Variants in PRIM2 observed in about 807,000 individuals in gnomAD.
The protein encoded by PRIM2 is DNA primase subunit 2.
In PRIM2, 39 loss-of-function variants were observed where a neutral mutation model predicts 67.3. The ratio of observed to expected loss-of-function variants is 0.58; its 90% CI spans 0.45 to 0.76. The LOEUF (loss-of-function observed/expected upper bound fraction) is 0.76. PRIM2 is among the 30% of genes least tolerant of loss of function. The pLI, the probability that PRIM2 is intolerant of heterozygous loss-of-function variation, is 0.00. For synonymous variants in PRIM2, 143 were observed against 198.7 expected, an observed-to-expected ratio of 0.72 and a Z score of 2.36; for missense variants, 398 against 598.7, an observed-to-expected ratio of 0.66 and a Z score of 3.50.
At chr6:57,222,465 T>G in the PRIM2 span, among the ~76,000 whole-genome samples, 4 of 152,206 alleles carry the variant, frequency 2.6e-5, no homozygotes, top group Admixed American at 1.3e-4. Flanking sequence ...TCCTAGATCG[T>G]GAACTCTAGA....
intron 7 of PRIM2, among the ~76,000 whole-genome samples, chr6:57,494,262 G>T (rs2127411327): frequency 6.6e-6 from 1 of 152,192 alleles, no homozygotes; most frequent in South Asian, 2.1e-4. Context: ...CACGAAAGTG[G>T]CAGCTCATCA....
intron 7 of PRIM2, among the ~76,000 whole-genome samples, chr6:57,450,641 C>T (rs1772511843): frequency 6.6e-6 from 1 of 152,148 alleles, no homozygotes; most frequent in African/African-American, 2.4e-5. Flanking sequence ...CTACATTTGG[C>T]CCGTTAGCCA....
At chr6:57,233,035 C>G in the PRIM2 span, among the ~76,000 whole-genome samples, 2 of 152,186 alleles carry the variant, frequency 1.3e-5, no homozygotes, top group African/African-American at 4.8e-5. Context: ...TCTAATTCTT[C>G]TTTCTCTAGT....
At chr6:57,296,251 A>C in the PRIM2 span, among the ~76,000 whole-genome samples, 1 of 151,996 alleles carries the variant, frequency 6.6e-6, no homozygotes, top group Non-Finnish European at 1.5e-5. Context: ...GTATACAAAG[A>C]ATTATATACA....
At chr6:57,455,817 G>C (rs1205137554) in intron 7 of PRIM2, among the ~76,000 whole-genome samples, 2 of 152,212 alleles carry the variant, frequency 1.3e-5, no homozygotes, top group Non-Finnish European at 2.9e-5. Context: ...TTGTGAATTT[G>C]ATCCTGCCAT....
chr6:57,470,966 A>G (rs1773324720), intron 7 of PRIM2, among the ~76,000 whole-genome samples: 1 of 152,224 alleles, frequency 6.6e-6, no homozygotes, highest in Admixed American at 6.5e-5. Flanking sequence ...CAATTACAGT[A>G]TTAAAATCTC....
At chr6:57,465,997 G>A (rs1253987746) in intron 7 of PRIM2, among the ~76,000 whole-genome samples, 7 of 151,854 alleles carry the variant, frequency 4.6e-5, no homozygotes, top group Non-Finnish European at 7.4e-5. Flanking sequence ...ACAGGCCCCG[G>A]TGTGTGATGT....
chr6:57,423,566 T>C (rs1562745207), intron 7 of PRIM2, among the ~76,000 whole-genome samples: 1 of 152,182 alleles, frequency 6.6e-6, no homozygotes, highest in Non-Finnish European at 1.5e-5. Flanking sequence ...GCAGCAGAAT[T>C]AGCGAAATGT....
chr6:57,615,087 C>A (rs1488924827), intron 12 of PRIM2, among the ~76,000 whole-genome samples: 1 of 152,016 alleles, frequency 6.6e-6, no homozygotes, highest in African/African-American at 2.4e-5. Context: ...CTTTAAAAAC[C>A]TGCAATTTTG....
At chr6:57,296,100 A>G in the PRIM2 span, among the ~76,000 whole-genome samples, 3 of 152,186 alleles carry the variant, frequency 2.0e-5, no homozygotes, top group Admixed American at 1.3e-4. Flanking sequence ...CCATATTACG[A>G]ATGAATAACA....
At chr6:57,235,807 G>A in the PRIM2 span, among the ~76,000 whole-genome samples, 2 of 152,182 alleles carry the variant, frequency 1.3e-5, no homozygotes, top group African/African-American at 2.4e-5. Context: ...CACAGAAGCA[G>A]AGGTCAGAAA....
chr6:57,497,970 T>A, intron 7 of PRIM2, among the ~76,000 whole-genome samples: 1 of 152,324 alleles, frequency 6.6e-6, no homozygotes, highest in South Asian at 2.1e-4. Context: ...GATCTGTTGC[T>A]ATTATAAGAA....
At position 57,318,112 on chromosome 6, in the gene PRIM2, C is replaced by A. The variant is rs145655003; in HGVS notation, c.-9-325C>A. ...AAAACCTTATGTTAACTCTTGGGAT[C>A]GTAAAGATCCAAGAACAGTGACACA... On this transcript the variant is annotated intron_variant, in intron 1 of 13. Coordinates refer to ENST00000615550, the MANE Select transcript of PRIM2 (RefSeq NM_000947.5). Among the ~76,000 whole-genome samples, 690 of 152,206 alleles carry A rather than the reference C, an allele frequency of 4.5e-3. 6 individuals carry two copies. Among genetic ancestry groups the A allele is most frequent in the Admixed American group, 6.0e-3 (92 of 15,284 alleles).
chr6:57,481,273 C>T (rs1421657544), intron 7 of PRIM2, among the ~76,000 whole-genome samples: 30 of 152,092 alleles, frequency 2.0e-4, no homozygotes, highest in Non-Finnish European at 2.9e-5. Context: ...GCACCCCATC[C>T]TTAATCCCTG....
the PRIM2 span, among the ~76,000 whole-genome samples, chr6:57,226,164 CA>C: frequency 6.6e-6 from 1 of 151,732 alleles, no homozygotes; most frequent in African/African-American, 2.4e-5. Flanking sequence ...TAAGGGAGAC[CA>C]AAAAAGAAAG....
At chr6:57,269,296 T>C in the PRIM2 span, among the ~76,000 whole-genome samples, 12 of 152,112 alleles carry the variant, frequency 7.9e-5, no homozygotes, top group Non-Finnish European at 1.5e-4. Flanking sequence ...CCAGCACCTG[T>C]TGTCTCCTGA....
chr6:57,478,115 G>A (rs2127404584), intron 7 of PRIM2, among the ~76,000 whole-genome samples: 1 of 152,316 alleles, frequency 6.6e-6, no homozygotes, highest in East Asian at 1.9e-4. Context: ...GCACAGAAAG[G>A]TAAAGCAGTT....
At chr6:57,582,126 A>T in intron 10 of PRIM2, among the ~76,000 whole-genome samples, 3 of 152,194 alleles carry the variant, frequency 2.0e-5, no homozygotes, top group Non-Finnish European at 4.4e-5. Flanking sequence ...TGCCTGTTAG[A>T]AAGGTTTTTT....
intron 8 of PRIM2, among the ~76,000 whole-genome samples, chr6:57,510,928 T>A (rs1554347658): frequency 5.9e-5 from 9 of 152,128 alleles, no homozygotes; most frequent in African/African-American, 1.7e-4. Context: ...AACTGTGTAA[T>A]TTAAATGTTA....
Sources: allele counts gnomAD v4.1 joint callset (sites outside exome capture counted in the v4.1 genomes callset), GRCh38; gene constraint gnomAD v4.1.1; transcripts MANE v1.5; gene names NCBI Gene and HGNC (gene_info 2026-07-23, HGNC 2026-07-21).